Variants in ADAMTSL1 observed in about 807,000 individuals in gnomAD.
The protein encoded by ADAMTSL1 is ADAMTS-like protein 1.
ADAMTSL1 carries 126 observed loss-of-function variants against 201.8 expected under a neutral mutation model. That is an observed-to-expected ratio of 0.62 (90% CI 0.54 to 0.72). ADAMTSL1 has a LOEUF of 0.72. Ranked by LOEUF, ADAMTSL1 falls within the 30% of genes least tolerant of loss-of-function variation. The pLI is 0.00. For missense variants in ADAMTSL1, 2,679 were observed against 2,277.8 expected, an observed-to-expected ratio of 1.18 and a Z score of -3.59; for synonymous variants, 1,121 against 903.4, an observed-to-expected ratio of 1.24 and a Z score of -4.32.
chr9:18,750,918 T>C (rs571144347), intron 15 of ADAMTSL1, among the ~76,000 whole-genome samples: 8 of 152,206 alleles, frequency 5.3e-5, no homozygotes, highest in Non-Finnish European at 8.8e-5. Context: ...CTTAAGACTC[T>C]CTGGGTATTC....
At position 18,889,641 on chromosome 9, in the gene ADAMTSL1, C is replaced by T. The variant is rs771690036; in HGVS notation, c.4536C>T (p.Arg1512=). 1.9e-6 allele frequency: 3 copies of T among 1,613,106 alleles called. No individual in the cohort carries two copies. The South Asian group carries it at 3.3e-5, about 18-fold the overall frequency. Residue 1512 remains arginine, a synonymous_variant, in exon 25 of 29, where the codon CGC becomes CGT. Transcript: ENST00000380548. ...SCGNRGVQQP[R]LRCLLNSTEV... ...GTAACCGGGGGGTTCAGCAGCCCCG[C>T]TTGAGGTGCCTGCTGAACAGCACGG...
At chr9:18,072,839 A>G (rs1823029178) in intron 1 of ADAMTSL1, among the ~76,000 whole-genome samples, 1 of 152,172 alleles carries the variant, frequency 6.6e-6, no homozygotes, top group African/African-American at 2.4e-5. Flanking sequence ...GATGTGTAGA[A>G]TTAGGCTTAG....
intron 2 of ADAMTSL1, among the ~76,000 whole-genome samples, chr9:18,218,971 A>G (rs1460874545): frequency 6.6e-6 from 1 of 152,028 alleles, no homozygotes; most frequent in Non-Finnish European, 1.5e-5. Context: ...TCTGATATGG[A>G]TTACCAATTT....
chr9:18,681,236 T>A (rs1830451649), intron 11 of ADAMTSL1: 1 of 152,462 alleles, frequency 6.6e-6, no homozygotes, highest in African/African-American at 2.4e-5. Flanking sequence ...CATCTAGACA[T>A]GCTACCAGAC....
chr9:18,501,424 T>A (rs1393092182), intron 1 of ADAMTSL1, among the ~76,000 whole-genome samples: 3 of 144,034 alleles, frequency 2.1e-5, no homozygotes, highest in Non-Finnish European at 1.5e-5. Flanking sequence ...GGCAGGAGGA[T>A]CCCTTGAGCC....
chr9:18,064,418 C>G (rs960210876), intron 1 of ADAMTSL1, among the ~76,000 whole-genome samples: 4 of 152,122 alleles, frequency 2.6e-5, no homozygotes, highest in Admixed American at 6.5e-5. Context: ...GTTTCTTTTG[C>G]TATTTACAAT....
At chr9:18,599,123 C>T (rs780014953) in intron 4 of ADAMTSL1, among the ~76,000 whole-genome samples, 2 of 152,190 alleles carry the variant, frequency 1.3e-5, no homozygotes, top group African/African-American at 2.4e-5. Context: ...TTGATGCACC[C>T]ATCCATGCAA....
intron 1 of ADAMTSL1, among the ~76,000 whole-genome samples, chr9:18,112,982 C>T (rs1486047977): frequency 6.6e-6 from 1 of 152,110 alleles, no homozygotes; most frequent in Admixed American, 6.6e-5. Flanking sequence ...GCTACGAAAT[C>T]CCAGGTGTTC....
At chr9:18,839,210 A>T (rs62549136) in intron 23 of ADAMTSL1, among the ~76,000 whole-genome samples, 1 of 121,686 alleles carries the variant, frequency 8.2e-6, no homozygotes, top group African/African-American at 3.2e-5. Flanking sequence ...CAGTCCCCAG[A>T]GTGTAATGTT....
At chr9:18,426,305 A>G (rs1262724304) in intron 2 of ADAMTSL1, among the ~76,000 whole-genome samples, 1 of 152,146 alleles carries the variant, frequency 6.6e-6, no homozygotes, top group African/African-American at 2.4e-5. Context: ...GCTTTATAGG[A>G]AGAAACTCTT....
chr9:18,280,072 G>GT (rs1213969629), intron 2 of ADAMTSL1, among the ~76,000 whole-genome samples: 1 of 152,022 alleles, frequency 6.6e-6, no homozygotes, highest in Non-Finnish European at 1.5e-5. Flanking sequence ...TTGAACCCTA[G>GT]TTTTTTTGAA....
intron 2 of ADAMTSL1, among the ~76,000 whole-genome samples, chr9:18,189,238 C>T (rs1296069350): frequency 6.6e-6 from 1 of 152,080 alleles, no homozygotes; most frequent in African/African-American, 2.4e-5. Flanking sequence ...GAACATTGTT[C>T]TAATTGAGAT....
intron 2 of ADAMTSL1, among the ~76,000 whole-genome samples, chr9:18,340,381 A>G (rs1349790646): frequency 6.6e-6 from 1 of 152,204 alleles, no homozygotes; most frequent in Non-Finnish European, 1.5e-5. Flanking sequence ...TGTATCTTGA[A>G]TTACAAATCC....
chr9:18,817,255 A>G lies in ADAMTSL1; in HGVS notation c.3934+18A>G, dbSNP rs1266013590. The G allele has an allele frequency of 6.5e-7, 1 of 1,550,084 alleles. No individual in the cohort carries two copies. Among genetic ancestry groups the G allele is most frequent in the African/African-American group, 1.4e-5 (1 of 73,004 alleles). ...GGTTGCAGGTGAGAAATTAATGTTCATTTGTTCACACGTTAATGGAGCCCT... is the reference window on the plus strand; with the variant it reads ...GGTTGCAGGTGAGAAATTAATGTTCGTTTGTTCACACGTTAATGGAGCCCT... On this transcript the variant is annotated intron_variant, in intron 21 of 28. Coordinates refer to ENST00000380548, the MANE Select transcript of ADAMTSL1 (RefSeq NM_001040272.6).
chr9:18,905,865 A>G lies in ADAMTSL1; in HGVS notation c.4935A>G (p.Pro1645=). The change falls in exon 27 of 29, where the codon CCA becomes CCG. Residue 1645 remains proline, a synonymous_variant. Transcript: ENST00000380548. The part of the protein sequence containing the change: ...FCQTRDGITL[P]SEQCSALPRP... ...AGACACGGGATGGCATCACCTTACC[A>G]TCAGAGCAGTGCAGTGCTCTTCCGA... 2 of 1,613,126 alleles carry G rather than the reference A, an allele frequency of 1.2e-6. No homozygotes were observed. Among genetic ancestry groups the G allele is most frequent in the South Asian group, 1.1e-5 (1 of 90,720 alleles).
chr9:18,702,856 G>A (rs1034827590), intron 13 of ADAMTSL1, among the ~76,000 whole-genome samples: 13 of 151,286 alleles, frequency 8.6e-5, no homozygotes, highest in East Asian at 1.9e-4. Flanking sequence ...TCCACCTCCC[G>A]GGCCCAAGCA....
intron 3 of ADAMTSL1, among the ~76,000 whole-genome samples, chr9:18,542,814 C>T (rs949230558): frequency 3.9e-5 from 6 of 152,190 alleles, no homozygotes; most frequent in Admixed American, 3.3e-4. Context: ...TGAAAGACTA[C>T]ATTATTTTTT....
intron 16 of ADAMTSL1, among the ~76,000 whole-genome samples, chr9:18,761,260 C>G (rs540344279): frequency 2.0e-5 from 3 of 152,064 alleles, no homozygotes; most frequent in Non-Finnish European, 4.4e-5. Context: ...ATTAAACTAC[C>G]AAGAAGAAAC....
intron 26 of ADAMTSL1, among the ~76,000 whole-genome samples, chr9:18,903,132 G>A (rs1247886587): frequency 6.6e-6 from 1 of 152,170 alleles, no homozygotes; most frequent in Non-Finnish European, 1.5e-5. Flanking sequence ...TTGAACCCAG[G>A]AGGTGGAAGT....
Sources: gnomAD v4.1 joint callset for allele counts (sites outside exome capture counted in the v4.1 genomes callset) on GRCh38, gnomAD v4.1.1 for gene constraint, MANE v1.5 for transcripts, NCBI Gene and HGNC (gene_info 2026-07-23, HGNC 2026-07-21) for gene names.